The following FHIP1A variants were observed in gnomAD, a reference collection of about 807,000 sequenced individuals.
The protein encoded by FHIP1A is FHF complex subunit HOOK-interacting protein 1A.
Under a neutral mutation model 88.6 loss-of-function variants are expected in FHIP1A, and 61 were observed. That is an observed-to-expected ratio of 0.69 (90% CI 0.56 to 0.85). FHIP1A has a LOEUF of 0.85. Among genes scored for constraint, FHIP1A ranks in the 40% least tolerant of loss-of-function variants. The pLI, the probability that FHIP1A is intolerant of heterozygous loss-of-function variation, is 0.00. For missense variants in FHIP1A, 1,154 were observed against 1,273.5 expected (o/e 0.91, Z 1.43); for synonymous variants, 478 against 496.0 (o/e 0.96, Z 0.48).
chr4:151,590,157 A>G lies in FHIP1A; in HGVS notation c.978+1231A>G, dbSNP rs1196078438. On this transcript the variant is annotated intron_variant, in intron 7 of 13. Transcript: ENST00000435205. ...GAAGACCTCTAAGCCTCTGCATGGA[A>G]GAATTTTCCTCTTCGGAGGAACACA... 3.9e-5 allele frequency among the ~76,000 whole-genome samples: 6 copies of G among 152,352 alleles called. No homozygotes were observed. The East Asian group carries it at 1.2e-3, about 29-fold the overall frequency.
chr4:151,531,826 A>G (rs897916186), intron 3 of FHIP1A, among the ~76,000 whole-genome samples: 4 of 152,216 alleles, frequency 2.6e-5, no homozygotes, highest in African/African-American at 9.6e-5. Context: ...CGTAAATTAC[A>G]TTGGTATCTA....
chr4:151,533,366 G>T (rs1731951307), intron 3 of FHIP1A, among the ~76,000 whole-genome samples: 1 of 152,024 alleles, frequency 6.6e-6, no homozygotes, highest in South Asian at 2.1e-4. Context: ...AGTGAGTTGT[G>T]ATTGTGCCAC....
chr4:151,545,847 A>G (rs1732482663), intron 3 of FHIP1A, among the ~76,000 whole-genome samples: 1 of 152,240 alleles, frequency 6.6e-6, no homozygotes, highest in African/African-American at 2.4e-5. Flanking sequence ...CTTCAGGGAA[A>G]GGTGAATGCC....
chr4:151,661,179 G>A (rs1286935177), intron 13 of FHIP1A, among the ~76,000 whole-genome samples: 1 of 152,148 alleles, frequency 6.6e-6, no homozygotes, highest in African/African-American at 2.4e-5. Context: ...GGGCGCTTTG[G>A]AGAGTGACAG....
At chr4:151,416,507 G>A (rs1732897349) in intron 1 of FHIP1A, among the ~76,000 whole-genome samples, 1 of 152,082 alleles carries the variant, frequency 6.6e-6, no homozygotes, top group African/African-American at 2.4e-5. Context: ...ATGCACATAT[G>A]TATTGTACAC....
At chr4:151,442,594 T>C (rs897951194) in intron 1 of FHIP1A, among the ~76,000 whole-genome samples, 1 of 152,306 alleles carries the variant, frequency 6.6e-6, no homozygotes, top group Middle Eastern at 3.4e-3. Flanking sequence ...CCTGCATTTT[T>C]CATAAGTCAT....
At chr4:151,450,260 GT>G (rs146796377) in intron 1 of FHIP1A, among the ~76,000 whole-genome samples, 2 of 152,028 alleles carry the variant, frequency 1.3e-5, no homozygotes, top group East Asian at 1.9e-4. Flanking sequence ...CAGCCTAATA[GT>G]TTTTTTATAT....
At chr4:151,642,692 C>T (rs1217944329) in intron 9 of FHIP1A, among the ~76,000 whole-genome samples, 1 of 151,974 alleles carries the variant, frequency 6.6e-6, no homozygotes, top group East Asian at 1.9e-4. Context: ...TGTTTATGGT[C>T]AGTGTAGCAT....
chr4:151,428,826 C>T (rs1362113379), intron 1 of FHIP1A, among the ~76,000 whole-genome samples: 1 of 152,160 alleles, frequency 6.6e-6, no homozygotes, highest in Non-Finnish European at 1.5e-5. Flanking sequence ...ACTTGGAACA[C>T]CATTCCTCCC....
intron 1 of FHIP1A, among the ~76,000 whole-genome samples, chr4:151,426,979 C>G (rs959861879): frequency 6.6e-6 from 1 of 152,004 alleles, no homozygotes; most frequent in Admixed American, 6.6e-5. Context: ...TTTTAAAGAG[C>G]TATTGTGTTA....
intron 7 of FHIP1A, among the ~76,000 whole-genome samples, chr4:151,602,033 G>A (rs1055821555): frequency 6.6e-6 from 1 of 151,990 alleles, no homozygotes; most frequent in Non-Finnish European, 1.5e-5. Flanking sequence ...CTTATTCAAT[G>A]TCACCAGAAC....
chr4:151,559,683 T>C (rs980304058), intron 3 of FHIP1A, among the ~76,000 whole-genome samples: 5 of 152,132 alleles, frequency 3.3e-5, no homozygotes, highest in African/African-American at 1.2e-4. Context: ...TATTGATGGA[T>C]ATGTAGGGTC....
chr4:151,553,557 C>A (rs1475177513), intron 3 of FHIP1A, among the ~76,000 whole-genome samples: 4 of 151,952 alleles, frequency 2.6e-5, no homozygotes, highest in African/African-American at 9.7e-5. Context: ...ATATTTCTAT[C>A]GTGTATTAGA....
chr4:151,549,064 T>C (rs576146415), intron 3 of FHIP1A, among the ~76,000 whole-genome samples: 4 of 152,162 alleles, frequency 2.6e-5, no homozygotes, highest in African/African-American at 9.6e-5. Flanking sequence ...CTAATTACGA[T>C]TGGCTATTTT....
chr4:151,469,203 G>A (rs1290473318), intron 2 of FHIP1A, among the ~76,000 whole-genome samples: 1 of 152,152 alleles, frequency 6.6e-6, no homozygotes, highest in East Asian at 1.9e-4. Flanking sequence ...AGACCTTTTG[G>A]TTTAAATTTC....
Position 151,662,520 on chromosome 4 carries a change from C to A in FHIP1A, c.2889C>A (p.Ser963=), listed in dbSNP as rs796622185. The change falls in exon 14 of 14, where the codon TCC becomes TCA. Residue 963 remains serine, a synonymous_variant. Coordinates refer to ENST00000435205, the MANE Select transcript of FHIP1A (RefSeq NM_001109977.3). ...ALTKDPIQEA[S]RTGSGKNLLD... ...TTTCAGATCCCATTCAGGAGGCTTC[C>A]AGGACAGGAAGTGGCAAGAACCTTT... The A allele has an allele frequency of 7.8e-6, 12 of 1,540,568 alleles. No individual in the cohort carries two copies. The African/African-American group carries it at 1.4e-4, about 18-fold the overall frequency.
At chr4:151,593,880 T>G (rs982882252) in intron 7 of FHIP1A, among the ~76,000 whole-genome samples, 3 of 152,214 alleles carry the variant, frequency 2.0e-5, no homozygotes, top group Non-Finnish European at 2.9e-5. Flanking sequence ...CCATTCAGTA[T>G]GATATTGGCT....
intron 1 of FHIP1A, among the ~76,000 whole-genome samples, chr4:151,411,372 G>GTC (rs147390204): frequency 6.7e-4 from 29 of 43,488 alleles, no homozygotes; most frequent in Non-Finnish European, 1.4e-3. Flanking sequence ...TAAAGTTAGG[G>GTC]TCTCTCTCTC....
At chr4:151,448,097 T>G (rs1247628333) in intron 1 of FHIP1A, among the ~76,000 whole-genome samples, 1 of 151,940 alleles carries the variant, frequency 6.6e-6, no homozygotes, top group Non-Finnish European at 1.5e-5. Flanking sequence ...TTTTTTTTTT[T>G]TAGTAGAGAT....
Sources: allele counts gnomAD v4.1 joint callset (sites outside exome capture counted in the v4.1 genomes callset), GRCh38; gene constraint gnomAD v4.1.1; transcripts MANE v1.5; gene names NCBI Gene and HGNC (gene_info 2026-07-23, HGNC 2026-07-21).